The following ROR1 variants were observed in gnomAD, a reference collection of about 807,000 sequenced individuals.
The protein encoded by ROR1 is ROR family WNT receptor 1.
ROR1 carries 19 observed loss-of-function variants against 78.8 expected under a neutral mutation model. The ratio of observed to expected loss-of-function variants is 0.24; its 90% CI spans 0.17 to 0.35. ROR1 has a LOEUF of 0.35. ROR1 is among the 10% of genes least tolerant of loss of function. The pLI is 1.00. For missense variants in ROR1, 917 were observed against 1,177.8 expected, an observed-to-expected ratio of 0.78 and a Z score of 3.24; for synonymous variants, 386 against 433.6, an observed-to-expected ratio of 0.89 and a Z score of 1.36.
intron 1 of ROR1, among the ~76,000 whole-genome samples, chr1:63,791,641 A>G (rs1200880984): frequency 2.0e-5 from 3 of 152,100 alleles, no homozygotes; most frequent in African/African-American, 7.2e-5. Flanking sequence ...GGCATGGTGG[A>G]TGGGCATGAG....
intron 2 of ROR1, among the ~76,000 whole-genome samples, chr1:64,047,634 G>T (rs557390518): frequency 1.8e-4 from 28 of 152,188 alleles, no homozygotes; most frequent in Non-Finnish European, 3.2e-4. Context: ...GAATGATATG[G>T]GGCTATAAAG....
At chr1:63,801,371 T>C (rs924553206) in intron 1 of ROR1, among the ~76,000 whole-genome samples, 1 of 152,136 alleles carries the variant, frequency 6.6e-6, no homozygotes, top group Non-Finnish European at 1.5e-5. Context: ...CTCGGCTTAC[T>C]GCAACTTCTG....
At chr1:63,940,216 A>C (rs1371449124) in intron 1 of ROR1, among the ~76,000 whole-genome samples, 1 of 152,080 alleles carries the variant, frequency 6.6e-6, no homozygotes, top group African/African-American at 2.4e-5. Flanking sequence ...GGGGTCCTCA[A>C]GTAAAAAGGC....
chr1:64,137,269 G>A (rs1197597210), intron 4 of ROR1, 100 bp from the exon 5 acceptor site: 15 of 1,269,726 alleles, frequency 1.2e-5, no homozygotes, highest in Middle Eastern at 3.9e-4. Context: ...GTGCCCAACT[G>A]TGCCCCCTAG....
At chr1:63,812,675 G>T (rs1263239433) in intron 1 of ROR1, among the ~76,000 whole-genome samples, 2 of 152,082 alleles carry the variant, frequency 1.3e-5, no homozygotes, top group East Asian at 3.8e-4. Flanking sequence ...GTACTTAGGA[G>T]GATTATTTCC....
At chr1:64,151,704 C>T (rs1649627055) in intron 7 of ROR1, among the ~76,000 whole-genome samples, 1 of 98,610 alleles carries the variant, frequency 1.0e-5, no homozygotes, top group South Asian at 4.7e-4. Flanking sequence ...GAAACCCCAT[C>T]TCTACTAAAA....
At chr1:64,145,509 C>T (rs1032750071) in intron 7 of ROR1, among the ~76,000 whole-genome samples, 2 of 152,162 alleles carry the variant, frequency 1.3e-5, no homozygotes, top group Non-Finnish European at 2.9e-5. Flanking sequence ...CTTTGTGTTG[C>T]CGGGTTTCAT....
chr1:63,957,093 G>A (rs1645988638), intron 1 of ROR1, among the ~76,000 whole-genome samples: 1 of 152,164 alleles, frequency 6.6e-6, no homozygotes, highest in African/African-American at 2.4e-5. Flanking sequence ...GAAGTCTATG[G>A]CTGGTGAACT....
chr1:64,034,658 TA>T (rs1646687010), intron 2 of ROR1, among the ~76,000 whole-genome samples: 1 of 152,180 alleles, frequency 6.6e-6, no homozygotes. Context: ...TAATATCAGG[TA>T]ACTACCAAGA....
Position 64,065,850 on chromosome 1 carries a change from T to C in ROR1, c.482+15134T>C, listed in dbSNP as rs139289171. The stretch of plus-strand genomic sequence containing the variant: ...ATTTATCTTTAGTAAATACATTTCA[T>C]AGTGATTGCCGATAGTTAGTGGTTC... On this transcript the variant is annotated intron_variant, in intron 4 of 8. Coordinates refer to ENST00000371079, the MANE Select transcript of ROR1 (RefSeq NM_005012.4). Among the ~76,000 whole-genome samples the C allele has an allele frequency of 5.3e-3, 806 of 152,322 alleles. 3 individuals are homozygous for C. Among genetic ancestry groups the C allele is most frequent in the African/African-American group, 0.019 (777 of 41,570 alleles).
chr1:64,129,488 C>A (rs1335642426), intron 4 of ROR1, among the ~76,000 whole-genome samples: 1 of 152,140 alleles, frequency 6.6e-6, no homozygotes, highest in African/African-American at 2.4e-5. Flanking sequence ...CAAAGCACAT[C>A]CAAGGGGTCT....
chr1:63,942,201 A>C (rs1345035514), intron 1 of ROR1, among the ~76,000 whole-genome samples: 2 of 152,166 alleles, frequency 1.3e-5, no homozygotes, highest in African/African-American at 4.8e-5. Flanking sequence ...CTGACCTAGA[A>C]TCTTCACTCT....
intron 1 of ROR1, among the ~76,000 whole-genome samples, chr1:63,871,824 C>T (rs2100360280): frequency 6.6e-6 from 1 of 152,258 alleles, no homozygotes; most frequent in East Asian, 1.9e-4. Flanking sequence ...TGGAAACCAT[C>T]CAGAAAATGA....
intron 7 of ROR1, among the ~76,000 whole-genome samples, chr1:64,154,785 A>G (rs1221017996): frequency 6.6e-6 from 1 of 152,214 alleles, no homozygotes; most frequent in African/African-American, 2.4e-5. Flanking sequence ...TAATATGTGC[A>G]TTTCACTTTT....
chr1:63,853,552 G>T (rs598199), intron 1 of ROR1, among the ~76,000 whole-genome samples: 64,101 of 151,980 alleles, frequency 0.42, 16,493 homozygotes, highest in African/African-American at 0.73. Context: ...TCTGAAACAT[G>T]TCTGATCTCA....
intron 1 of ROR1, among the ~76,000 whole-genome samples, chr1:63,995,219 AT>A (rs202147085): frequency 6.6e-6 from 1 of 151,824 alleles, no homozygotes; most frequent in African/African-American, 2.4e-5. Flanking sequence ...ATGGAAAATT[AT>A]TTTTTTTTCT....
intron 7 of ROR1, among the ~76,000 whole-genome samples, chr1:64,152,438 C>T (rs1225636089): frequency 1.3e-5 from 2 of 152,124 alleles, no homozygotes; most frequent in African/African-American, 4.8e-5. Context: ...CCCAGTATTG[C>T]CAATGAATAC....
At chr1:63,890,814 T>A (rs2100388359) in intron 1 of ROR1, among the ~76,000 whole-genome samples, 1 of 152,022 alleles carries the variant, frequency 6.6e-6, no homozygotes, top group Admixed American at 6.5e-5. Context: ...CCTTCCAGAG[T>A]CTCAGAAACT....
At chr1:63,810,661 GA>G (rs1390361829) in intron 1 of ROR1, among the ~76,000 whole-genome samples, 1 of 152,214 alleles carries the variant, frequency 6.6e-6, no homozygotes, top group Non-Finnish European at 1.5e-5. Context: ...TTGCCAGGAA[GA>G]AGGGAGGAAA....
Sources: allele counts gnomAD v4.1 joint callset (sites outside exome capture counted in the v4.1 genomes callset), GRCh38; gene constraint gnomAD v4.1.1; transcripts MANE v1.5; gene names NCBI Gene and HGNC (gene_info 2026-07-23, HGNC 2026-07-21).